HMGCL: variants seen among roughly 807,000 people sequenced by gnomAD.
HMGCL encodes the protein 3-hydroxy-3-methylglutaryl-CoA lyase, also known as hydroxymethylglutaryl-CoA lyase, mitochondrial.
Under a neutral mutation model 37.3 loss-of-function variants are expected in HMGCL, and 26 were observed. The observed-to-expected ratio is 0.70, with a 90% CI of 0.51 to 0.97. HMGCL has a LOEUF of 0.97. HMGCL is among the 50% of genes least tolerant of loss of function. The pLI, the probability that HMGCL is intolerant of heterozygous loss-of-function variation, is 0.00. For synonymous variants in HMGCL, 151 were observed against 148.0 expected, an observed-to-expected ratio of 1.02 and a Z score of -0.15; for missense variants, 379 against 398.1, an observed-to-expected ratio of 0.95 and a Z score of 0.41.
chr1:23,813,361 A>G (rs747949878), intron 5 of HMGCL, among the ~76,000 whole-genome samples: 16 of 150,638 alleles, frequency 1.1e-4, no homozygotes, highest in African/African-American at 1.7e-4. Context: ...CAGCCTCCCA[A>G]GTAGATGGAA....
At chr1:23,814,439 C>T (rs1425513196) in intron 4 of HMGCL, 101 bp from the exon 5 acceptor site, 34 of 1,321,614 alleles carry the variant, frequency 2.6e-5, no homozygotes, top group Admixed American at 3.7e-5. Context: ...GGCATGATCT[C>T]GGCTCACTGC....
At chr1:23,804,267 C>T (rs1300156294) in intron 8 of HMGCL, 133 bp downstream of exon 8, 29 of 1,076,960 alleles carry the variant, frequency 2.7e-5, no homozygotes, top group South Asian at 4.3e-5. Flanking sequence ...TGAGCCACTG[C>T]GCCTGGCTAA....
At chr1:23,802,597 C>A in intron 8 of HMGCL, 33 bp from the exon 9 acceptor site, 1 of 1,339,566 alleles carries the variant, frequency 7.5e-7, no homozygotes, top group South Asian at 1.2e-5. Context: ...TGCGGTAAGT[C>A]ATGGTATGCC....
At position 23,806,701 on chromosome 1, in the gene HMGCL, C is replaced by T. The variant is rs1275362421; in HGVS notation, c.750+1434G>A. ...ATGTTTGTTTATTTATTATCTGTCT[C>T]ATAGTACTAGAGTGTCAGCCTCATG... is the stretch of plus-strand genomic sequence containing the variant. On this transcript the variant is annotated intron_variant, in intron 7 of 8. Coordinates refer to ENST00000374490, the MANE Select transcript of HMGCL (RefSeq NM_000191.3). This position sits in a 1 kb window ranked among gnomAD's most constrained non-coding sequence, Gnocchi z 4.0. 1 of 331,274 alleles carries T rather than the reference C, an allele frequency of 3.0e-6. No individual in the cohort carries two copies. Among genetic ancestry groups the T allele is most frequent in the Non-Finnish European group, 5.9e-6 (1 of 168,184 alleles). 20.5% of individuals were successfully genotyped at this position (331,274 alleles called of 1,614,324 possible).
At chr1:23,821,213 C>T (rs778500865) in intron 1 of HMGCL, among the ~76,000 whole-genome samples, 8 of 151,706 alleles carry the variant, frequency 5.3e-5, no homozygotes, top group Non-Finnish European at 1.0e-4. Context: ...AAAAAATAGC[C>T]GGGTGTGGTG....
At chr1:23,804,871 T>G (rs1638372862) in intron 7 of HMGCL, among the ~76,000 whole-genome samples, 1 of 138,184 alleles carries the variant, frequency 7.2e-6, no homozygotes. Context: ...TGTGATTCAT[T>G]TATTACCCCC....
At chr1:23,813,815 A>C (rs1638565319) in intron 5 of HMGCL, 1 of 316,518 alleles carries the variant, frequency 3.2e-6, no homozygotes, top group African/African-American at 2.1e-5. Flanking sequence ...CCAGGACTCA[A>C]CTGACCTCCA....
intron 5 of HMGCL, among the ~76,000 whole-genome samples, 179 bp from the exon 6 acceptor site, chr1:23,810,978 AG>A (rs1638510307): frequency 6.6e-6 from 1 of 152,184 alleles, no homozygotes; most frequent in Admixed American, 6.5e-5. Flanking sequence ...GAGCAATGGC[AG>A]GGAACTGGGG....
intron 8 of HMGCL, 27 bp downstream of exon 8, chr1:23,804,373 T>C (rs753714867): frequency 6.6e-5 from 107 of 1,613,846 alleles, no homozygotes; most frequent in Non-Finnish European, 8.6e-5. Flanking sequence ...TTCGGGGCTG[T>C]CGCCACCAGG....
chr1:23,808,138 C>T lies in HMGCL; in HGVS notation c.747G>A (p.Leu249=). ...ATGGGCATATGCTTTTGATTACCTGCAGGGCCATCAAGGTGTTGGCCAGGG... is the reference window on the plus strand; with the variant it reads ...ATGGGCATATGCTTTTGATTACCTGTAGGGCCATCAAGGTGTTGGCCAGGG... ...GQALANTLMA[L]QMGVSVVDSS... is the part of the protein sequence containing the mutation. The change falls in exon 7 of 9, where the codon CTG becomes CTA. Residue 249 remains leucine (L), a synonymous_variant. Transcript: ENST00000374490. 6.2e-7 allele frequency: 1 copy of T among 1,613,864 alleles called. No individual in the cohort carries two copies. Among genetic ancestry groups the T allele is most frequent in the Non-Finnish European group, 8.5e-7 (1 of 1,179,782 alleles).
chr1:23,810,150 C>G, intron 6 of HMGCL: 1 of 163,860 alleles, frequency 6.1e-6, no homozygotes, highest in Non-Finnish European at 1.4e-5. Flanking sequence ...ATCTGGATGC[C>G]ACAAAGTATC....
At chr1:23,821,929 C>T (rs943535399) in intron 1 of HMGCL, among the ~76,000 whole-genome samples, 2 of 152,110 alleles carry the variant, frequency 1.3e-5, no homozygotes, top group Admixed American at 1.3e-4. Flanking sequence ...CCACCCTTTG[C>T]AAAGCTGCCA....
intron 8 of HMGCL, among the ~76,000 whole-genome samples, 181 bp from the exon 9 acceptor site, chr1:23,802,745 CCT>C (rs1401188405): frequency 6.6e-6 from 1 of 152,196 alleles, no homozygotes; most frequent in African/African-American, 2.4e-5. Flanking sequence ...CTGGGTTATT[CCT>C]CTGACTCCCC....
chr1:23,803,644 T>C (rs1638337995), intron 8 of HMGCL: 2 of 152,310 alleles, frequency 1.3e-5, no homozygotes, highest in African/African-American at 4.8e-5. Context: ...GTACGTTTTC[T>C]TACTTAATCC....
At position 23,810,583 on chromosome 1, in the gene HMGCL, G is replaced by C; in HGVS notation, c.561+153C>G. On this transcript the variant is annotated intron_variant, in intron 6 of 8. Transcript: ENST00000374490. The stretch of plus-strand genomic sequence containing the variant: ...GGGGGCCTCTAGGGAGCAAGTGCAG[G>C]GCTGTGCTCACAGCAGGAGCTTAAT... The C allele has an allele frequency of 4.2e-5, 30 of 705,938 alleles. No individual in the cohort carries two copies. The South Asian group carries it at 4.6e-4, about 11-fold the overall frequency. 43.7% of individuals were successfully genotyped at this position (705,938 alleles called of 1,614,324 possible).
intron 5 of HMGCL, chr1:23,813,704 TACAC>T: frequency 5.0e-6 from 1 of 200,486 alleles, no homozygotes; most frequent in Non-Finnish European, 1.0e-5. Flanking sequence ...TTATAGATAA[TACAC>T]ACACAATGCC....
intron 8 of HMGCL, 48 bp downstream of exon 8, chr1:23,804,352 C>A (rs760734476): frequency 1.2e-6 from 2 of 1,612,774 alleles, no homozygotes; most frequent in Non-Finnish European, 1.7e-6. Flanking sequence ...AGCTTCAGGC[C>A]CCCTGGTCAG....
Position 23,806,959 on chromosome 1 carries a change from C to T in HMGCL, c.750+1176G>A, listed in dbSNP as rs938670990. ...TAAGTCAGCACTTAACCTGGCACAT[C>T]GATCCATATTTCCGAAGTAACTGAT... On this transcript the variant is annotated intron_variant, in intron 7 of 8. Coordinates refer to ENST00000374490, the MANE Select transcript of HMGCL (RefSeq NM_000191.3). The surrounding 1 kb of genome is among the most constrained non-coding windows in gnomAD (Gnocchi z 4.0). 12 of 518,686 alleles carry T rather than the reference C, an allele frequency of 2.3e-5. No homozygotes were observed. Among genetic ancestry groups the T allele is most frequent in the African/African-American group, 3.9e-5 (2 of 51,938 alleles). 32.1% of individuals were successfully genotyped at this position (518,686 alleles called of 1,614,324 possible).
At chr1:23,817,322 T>C (rs548718515) in intron 3 of HMGCL, among the ~76,000 whole-genome samples, 154 bp downstream of exon 3, 7 of 152,356 alleles carry the variant, frequency 4.6e-5, no homozygotes, top group African/African-American at 1.7e-4. Context: ...TCCTGGGTCA[T>C]GTTCTTTTGC....
Sources: gnomAD v4.1 joint callset for allele counts (sites outside exome capture counted in the v4.1 genomes callset) on GRCh38, gnomAD v4.1.1 for gene constraint, Gnocchi (gnomAD v3.1) non-coding constraint, MANE v1.5 for transcripts, NCBI Gene and HGNC (gene_info 2026-07-23, HGNC 2026-07-21) for gene names.